Variants in PLA2G2E observed in about 807,000 individuals in gnomAD.
The protein encoded by PLA2G2E is phospholipase A2 group IIE, also known as group IIE secretory phospholipase A2.
In PLA2G2E, 14 loss-of-function variants were observed where a neutral mutation model predicts 16.5. The ratio of observed to expected loss-of-function variants is 0.85; its 90% CI spans 0.56 to 1.33. The LOEUF (loss-of-function observed/expected upper bound fraction) is 1.33. Ranked by LOEUF, PLA2G2E falls within the 40% of genes most tolerant of loss-of-function variation. The probability of loss-of-function intolerance (pLI) is 0.00; values close to 1 mark genes in which losing one functional copy is unlikely to be tolerated. For synonymous variants in PLA2G2E, 72 were observed against 77.2 expected, an observed-to-expected ratio of 0.93 and a Z score of 0.36; for missense variants, 174 against 190.7, an observed-to-expected ratio of 0.91 and a Z score of 0.52.
At position 19,920,462 on chromosome 1, in the gene PLA2G2E, A is replaced by G; in HGVS notation, c.287-13T>C. 6.2e-7 allele frequency: 1 copy of G among 1,612,650 alleles called. No individual in the cohort carries two copies. The highest frequency in any genetic ancestry group is 8.5e-7 in the Non-Finnish European group (1 of 1,179,572). On this transcript the variant is annotated splice_polypyrimidine_tract_variant and intron_variant, in intron 3 of 3. Coordinates refer to ENST00000375116, the MANE Select transcript of PLA2G2E (RefSeq NM_014589.3). This position sits in a 1 kb window ranked among gnomAD's most constrained non-coding sequence, Gnocchi z 4.3. ...GTGGTCCTGCCGGCTGGATGGGACA[A>G]AGTGAGTCAGGGACCACAGAAGCTC... is the stretch of plus-strand genomic sequence containing the variant.
At chr1:19,921,251 G>T (rs1257669517) in intron 3 of PLA2G2E, among the ~76,000 whole-genome samples, 3 of 152,248 alleles carry the variant, frequency 2.0e-5, no homozygotes, top group Non-Finnish European at 4.4e-5. Context: ...AACACCCAGG[G>T]TTGGAAGGGA....
Position 19,922,704 on chromosome 1 carries a change from A to G in PLA2G2E, c.92T>C (p.Met31Thr), listed in dbSNP as rs201542503. The change falls in exon 2 of 4, where the codon ATG becomes ACG. Residue 31 changes from methionine (M) to threonine (T), a missense_variant. Transcript: ENST00000375116. Reference sequence around the variant, plus strand: ...GTACTGCAGGGCGGACTTGCCTGTCATCTTCTCGATCATCACCCCAAACTG... The same window carrying G: ...GTACTGCAGGGCGGACTTGCCTGTCGTCTTCTCGATCATCACCCCAAACTG... ...LVQFGVMIEK[M>T]TGKSALQYND... 5 of 1,613,856 alleles carry G rather than the reference A, an allele frequency of 3.1e-6. No individual in the cohort carries two copies. The African/African-American group carries it at 5.3e-5, about 17-fold the overall frequency.
Position 19,920,578 on chromosome 1 carries a change from T to C in PLA2G2E, c.287-129A>G, listed in dbSNP as rs1002956802. 13 of 894,436 alleles carry C rather than the reference T, an allele frequency of 1.5e-5. No individual in the cohort carries two copies. 55.4% of individuals were successfully genotyped at this position (894,436 alleles called of 1,614,324 possible). A position where few individuals can be genotyped will look rare whatever the true frequency, so the allele number is the denominator to read the frequency against. On this transcript the variant is annotated intron_variant, in intron 3 of 3. Coordinates refer to ENST00000375116, the MANE Select transcript of PLA2G2E (RefSeq NM_014589.3). This position sits in a 1 kb window ranked among gnomAD's most constrained non-coding sequence, Gnocchi z 4.3. ...TCTGATGGAAGCCCAAGCTCCCGGGTTGTTTCACGGATGGGTGAGACAAGA... is the reference window on the plus strand; with the variant it reads ...TCTGATGGAAGCCCAAGCTCCCGGGCTGTTTCACGGATGGGTGAGACAAGA...
At chr1:19,922,980 G>A (rs188558105) in intron 1 of PLA2G2E, among the ~76,000 whole-genome samples, 11 of 152,062 alleles carry the variant, frequency 7.2e-5, no homozygotes, top group Admixed American at 4.6e-4. Context: ...GTGTGTCAGC[G>A]CCCCCAGTGT....
Position 19,922,295 on chromosome 1 carries a change from TACC to T in PLA2G2E, c.286_286+2del. 1.9e-6 allele frequency: 3 copies of T among 1,610,296 alleles called. No homozygotes were observed. The Admixed American group carries it at 5.0e-5, about 27-fold the overall frequency. On this transcript the variant is annotated splice_donor_variant and coding_sequence_variant, in exon 3 of 4. Transcript: ENST00000375116. LOFTEE classifies it high-confidence loss of function. ...CTAGGTCACTTCAGGGCTCTCCACC[TACC>T]GCAGAAAATGCCACGTTCGCTGACA...
At chr1:19,922,596 C>A (rs757711068) in intron 2 of PLA2G2E, 21 bp downstream of exon 2, 13 of 1,613,402 alleles carry the variant, frequency 8.1e-6, no homozygotes, top group Non-Finnish European at 8.5e-6. Context: ...ATGGAGGTCC[C>A]CCTGCAGGCT....
In PLA2G2E at chr1:19,922,372, C is replaced by T. The variant is rs61729971; in HGVS notation, c.212G>A (p.Arg71His). The change falls in exon 3 of 4, where the codon CGT becomes CAT. Residue 71 changes from arginine (R) to histidine (H), a missense_variant. By Grantham distance (29) the Arg-to-His change is conservative. Transcript: ENST00000375116. ...CCHAHDCCYG[R>H]LEKLGCEPKL... is the part of the protein sequence containing the mutation. ...GGGCTCACAGCCCAGCTTCTCCAGA[C>T]GCCCGTAGCAGCAGTCGTGGGCGTG... 546 of 1,614,026 alleles carry T rather than the reference C, an allele frequency of 3.4e-4. 3 individuals carry two copies. The African/African-American group carries it at 6.2e-3, about 18-fold the overall frequency.
rs2045804040 is a variant in PLA2G2E at position 19,920,292 on chromosome 1, A to G, written c.*15T>C. 1 of 1,601,724 alleles carries G rather than the reference A, an allele frequency of 6.2e-7. No homozygotes were observed. ...GGCGGGACCTCCAGGGACGGGGGGG[A>G]GGCCGAGCATAGCCTCAGCAGGGCG... On this transcript the variant is annotated 3_prime_UTR_variant, in exon 4 of 4. Transcript: ENST00000375116. This position sits in a 1 kb window ranked among gnomAD's most constrained non-coding sequence, Gnocchi z 4.3.
Position 19,923,615 on chromosome 1 carries a change from C to A in PLA2G2E, c.-56G>T. ...GAGCATAAAAGGCAGCAGAAGAAAGCAGCAGGGCCACCTCTGATCTCAGGG... is the reference window on the plus strand; with the variant it reads ...GAGCATAAAAGGCAGCAGAAGAAAGAAGCAGGGCCACCTCTGATCTCAGGG... On this transcript the variant is annotated 5_prime_UTR_variant, in exon 1 of 4. Transcript: ENST00000375116. 1 of 1,462,814 alleles carries A rather than the reference C, an allele frequency of 6.8e-7. No homozygotes were observed. Among genetic ancestry groups the A allele is most frequent in the East Asian group, 2.5e-5 (1 of 39,670 alleles). 90.6% of individuals were successfully genotyped at this position (1,462,814 alleles called of 1,614,324 possible).
rs967558979 is a variant in PLA2G2E, at chr1:19,920,298, A to G, written c.*9T>C. 1.2e-6 allele frequency: 2 copies of G among 1,610,112 alleles called. No individual in the cohort carries two copies. The highest frequency in any genetic ancestry group is 2.7e-5 in the African/African-American group (2 of 74,924). On this transcript the variant is annotated 3_prime_UTR_variant, in exon 4 of 4. Transcript: ENST00000375116. The surrounding 1 kb of genome is among the most constrained non-coding windows in gnomAD (Gnocchi z 4.3). ...ACCTCCAGGGACGGGGGGGAGGCCG[A>G]GCATAGCCTCAGCAGGGCGGGGTGG...
Position 19,920,087 on chromosome 1 carries a change from A to G in PLA2G2E, c.*220T>C. ...CTAGTGACAGTCTTCTGGGTGCTGA[A>G]GGGTCCATGGCTCCTGGGGCAGGGT... On this transcript the variant is annotated 3_prime_UTR_variant, in exon 4 of 4. Coordinates refer to ENST00000375116, the MANE Select transcript of PLA2G2E (RefSeq NM_014589.3). This position sits in a 1 kb window ranked among gnomAD's most constrained non-coding sequence, Gnocchi z 4.3. 1 of 514,752 alleles carries G rather than the reference A, an allele frequency of 1.9e-6. No individual in the cohort carries two copies. Among genetic ancestry groups the G allele is most frequent in the South Asian group, 2.9e-5 (1 of 34,042 alleles). 31.9% of individuals were successfully genotyped at this position (514,752 alleles called of 1,614,324 possible). A position where few individuals can be genotyped will look rare whatever the true frequency, so the allele number is the denominator to read the frequency against.
In PLA2G2E at chr1:19,922,760, A is replaced by AGAGAGGGGCCACTGCAGAGAGGGAGAGG. The variant is rs2045826294; in HGVS notation, c.41-6_41-5insCCTCTCCCTCTCTGCAGTGGCCCCTCTC. 6.2e-7 allele frequency: 1 copy of AGAGAGGGGCCACTGCAGAGAGGGAGAGG among 1,611,660 alleles called. No individual in the cohort carries two copies. Among genetic ancestry groups the AGAGAGGGGCCACTGCAGAGAGGGAGAGG allele is most frequent in the Non-Finnish European group, 8.5e-7 (1 of 1,179,168 alleles). On this transcript the variant is annotated splice_region_variant and splice_polypyrimidine_tract_variant and intron_variant, in intron 1 of 3. Transcript: ENST00000375116. ...GGTTCCCGGTGACCAGAGCCACTGC[A>AGAGAGGGGCCACTGCAGAGAGGGAGAGG]GAGAGGGAGAGGGAGAGGGAGAGGG...
At position 19,920,476 on chromosome 1, in the gene PLA2G2E, C is replaced by A; in HGVS notation, c.287-27G>T. 6.2e-7 allele frequency: 1 copy of A among 1,609,912 alleles called. No homozygotes were observed. Among genetic ancestry groups the A allele is most frequent in the Non-Finnish European group, 8.5e-7 (1 of 1,178,536 alleles). On this transcript the variant is annotated intron_variant, in intron 3 of 3. Transcript: ENST00000375116. This position sits in a 1 kb window ranked among gnomAD's most constrained non-coding sequence, Gnocchi z 4.3. Reference sequence around the variant, plus strand: ...TGGATGGGACAAAGTGAGTCAGGGACCACAGAAGCTCAGGATATGTGTGGG... The same window carrying A: ...TGGATGGGACAAAGTGAGTCAGGGAACACAGAAGCTCAGGATATGTGTGGG...
Position 19,920,511 on chromosome 1 carries a change from G to A in PLA2G2E, c.287-62C>T. The A allele has an allele frequency of 6.5e-7, 1 of 1,547,312 alleles. No homozygotes were observed. Among genetic ancestry groups the A allele is most frequent in the Non-Finnish European group, 8.8e-7 (1 of 1,136,618 alleles). On this transcript the variant is annotated intron_variant, in intron 3 of 3. Coordinates refer to ENST00000375116, the MANE Select transcript of PLA2G2E (RefSeq NM_014589.3). This position sits in a 1 kb window ranked among gnomAD's most constrained non-coding sequence, Gnocchi z 4.3. ...TCAGGATATGTGTGGGACAGCTCTTGGCTGCTTCTGGGTCCACGTTCTTGA... is the reference window on the plus strand; with the variant it reads ...TCAGGATATGTGTGGGACAGCTCTTAGCTGCTTCTGGGTCCACGTTCTTGA...
In PLA2G2E at chr1:19,920,235, T is replaced by A; in HGVS notation, c.*72A>T. 4 of 1,367,294 alleles carry A rather than the reference T, an allele frequency of 2.9e-6. No individual in the cohort carries two copies. Among genetic ancestry groups the A allele is most frequent in the Non-Finnish European group, 4.0e-6 (4 of 989,404 alleles). 84.7% of individuals were successfully genotyped at this position (1,367,294 alleles called of 1,614,324 possible). On this transcript the variant is annotated 3_prime_UTR_variant, in exon 4 of 4. Transcript: ENST00000375116. This position sits in a 1 kb window ranked among gnomAD's most constrained non-coding sequence, Gnocchi z 4.3. Reference sequence around the variant, plus strand: ...CCAAAGGGAGGGCCTTTGGTGCCAATGTTCCCCAGGCCTGGGACTACAGCA... The same window carrying A: ...CCAAAGGGAGGGCCTTTGGTGCCAAAGTTCCCCAGGCCTGGGACTACAGCA...
chr1:19,923,208 C>T (rs2045832733), intron 1 of PLA2G2E, among the ~76,000 whole-genome samples: 1 of 152,236 alleles, frequency 6.6e-6, no homozygotes, highest in African/African-American at 2.4e-5. Flanking sequence ...GGGACTGAAT[C>T]CTGCCCACCT....
At chr1:19,923,489 C>T (rs892557636) in intron 1 of PLA2G2E, 31 bp downstream of exon 1, 12 of 1,540,664 alleles carry the variant, frequency 7.8e-6, no homozygotes, top group Non-Finnish European at 1.1e-5. Flanking sequence ...CCAGATGGGG[C>T]AGAAGGCTGA....
chr1:19,920,299 G>C lies in PLA2G2E; in HGVS notation c.*8C>G, dbSNP rs1257272371. ...CCTCCAGGGACGGGGGGGAGGCCGA[G>C]CATAGCCTCAGCAGGGCGGGGTGGG... On this transcript the variant is annotated 3_prime_UTR_variant, in exon 4 of 4. Transcript: ENST00000375116. This position sits in a 1 kb window ranked among gnomAD's most constrained non-coding sequence, Gnocchi z 4.3. 9.9e-6 allele frequency: 16 copies of C among 1,610,510 alleles called. No homozygotes were observed. The highest frequency in any genetic ancestry group is 1.3e-5 in the Non-Finnish European group (15 of 1,178,866).
Position 19,920,408 on chromosome 1 carries a change from T to C in PLA2G2E, c.328A>G (p.Lys110Glu), listed in dbSNP as rs1474530851. The part of the protein sequence containing the change: ...TCQRLTCECD[K>E]RAALCFRRNL... ...CGGCGAAAGCAGAGGGCAGCCCTCTTGTCACACTCGCAGGTCAGCCGCTGG... is the reference window on the plus strand; with the variant it reads ...CGGCGAAAGCAGAGGGCAGCCCTCTCGTCACACTCGCAGGTCAGCCGCTGG... Residue 110 changes from lysine (K) to glutamate (E), a missense_variant, in exon 4 of 4, where the codon AAG becomes GAG. Physicochemically the swap from Lys to Glu is moderately conservative, Grantham distance 56 (BLOSUM62 1). Coordinates refer to ENST00000375116, the MANE Select transcript of PLA2G2E (RefSeq NM_014589.3). This position sits in a 1 kb window ranked among gnomAD's most constrained non-coding sequence, Gnocchi z 4.3. 2.5e-6 allele frequency: 4 copies of C among 1,613,850 alleles called. No homozygotes were observed. In the South Asian group the frequency reaches 4.4e-5, roughly 18 times the overall value.
Sources: allele counts gnomAD v4.1 joint callset (sites outside exome capture counted in the v4.1 genomes callset), GRCh38; gene constraint gnomAD v4.1.1; non-coding constraint Gnocchi (gnomAD v3.1); transcripts MANE v1.5; gene names NCBI Gene and HGNC (gene_info 2026-07-23, HGNC 2026-07-21).